Variants in RAB2A observed in about 807,000 individuals in gnomAD.
RAB2A encodes RAB2A, member RAS oncogene family, also known as ras-related protein Rab-2A.
RAB2A carries 7 observed loss-of-function variants against 32.5 expected under a neutral mutation model. The ratio of observed to expected loss-of-function variants is 0.22; its 90% CI spans 0.12 to 0.40. RAB2A has a LOEUF of 0.40. Among genes scored for constraint, RAB2A ranks in the 10% least tolerant of loss-of-function variants. The pLI, the probability that RAB2A is intolerant of heterozygous loss-of-function variation, is 1.00. For missense variants in RAB2A, 108 were observed against 260.7 expected (o/e 0.41, Z 4.03); for synonymous variants, 79 against 85.2 (o/e 0.93, Z 0.40).
chr8:60,608,386 G>C (rs1804272051), intron 6 of RAB2A, among the ~76,000 whole-genome samples: 1 of 151,782 alleles, frequency 6.6e-6, no homozygotes, highest in Admixed American at 6.6e-5. Flanking sequence ...CTACTCTTCA[G>C]TAAACTTCTT....
chr8:60,605,109 C>T (rs145608636), intron 6 of RAB2A, among the ~76,000 whole-genome samples: 1 of 152,260 alleles, frequency 6.6e-6, no homozygotes, highest in East Asian at 1.9e-4. Flanking sequence ...CTACTCCCTG[C>T]ATCCCAGCCA....
intron 7 of RAB2A, 78 bp downstream of exon 7, chr8:60,618,726 T>C (rs1192986296): frequency 4.0e-6 from 2 of 495,890 alleles, no homozygotes; most frequent in African/African-American, 4.1e-5. Context: ...TTTTATTTTA[T>C]AATTCATTAT....
chr8:60,524,958 G>T (rs1236848620), intron 1 of RAB2A, among the ~76,000 whole-genome samples: 1 of 152,172 alleles, frequency 6.6e-6, no homozygotes, highest in Non-Finnish European at 1.5e-5. Flanking sequence ...CTGTATAGCA[G>T]ATTCTCATGA....
intron 1 of RAB2A, among the ~76,000 whole-genome samples, chr8:60,537,303 C>A (rs1434608085): frequency 6.6e-6 from 1 of 151,848 alleles, no homozygotes; most frequent in African/African-American, 2.4e-5. Context: ...CTCACTGCAA[C>A]CTCTGCCTCC....
At chr8:60,579,964 G>A (rs1278897928) in intron 3 of RAB2A, among the ~76,000 whole-genome samples, 1 of 146,294 alleles carries the variant, frequency 6.8e-6, no homozygotes, top group East Asian at 2.1e-4. Flanking sequence ...AACAATATAG[G>A]TCAATCCGAG....
Position 60,621,974 on chromosome 8 carries a change from T to G in RAB2A, c.*1205T>G, listed in dbSNP as rs1319363140. On this transcript the variant is annotated 3_prime_UTR_variant, in exon 8 of 8. Coordinates refer to ENST00000262646, the MANE Select transcript of RAB2A (RefSeq NM_002865.3). ...GTCTATAATGAAATTGTTACAGCAG[T>G]GCAAAATAAAATCCTATGTATAAAA... The G allele has an allele frequency of 6.6e-6, 1 of 152,210 alleles. No homozygotes were observed. Among genetic ancestry groups the G allele is most frequent in the Admixed American group, 6.5e-5 (1 of 15,286 alleles). 9.4% of individuals were successfully genotyped at this position (152,210 alleles called of 1,614,324 possible).
chr8:60,521,730 C>T (rs973818652), intron 1 of RAB2A, among the ~76,000 whole-genome samples: 4 of 152,150 alleles, frequency 2.6e-5, no homozygotes, highest in African/African-American at 9.7e-5. Context: ...AAGCGATTCT[C>T]CTGCCTCAGC....
chr8:60,623,417 A>G lies in RAB2A; in HGVS notation c.*2648A>G, dbSNP rs1804561112. 6.6e-6 allele frequency: 1 copy of G among 152,196 alleles called. No individual in the cohort carries two copies. Among genetic ancestry groups the G allele is most frequent in the Non-Finnish European group, 1.5e-5 (1 of 68,038 alleles). The allele number at this position is 152,196 out of a possible 1,614,324, so 9.4% of individuals were successfully genotyped here. On this transcript the variant is annotated 3_prime_UTR_variant, in exon 8 of 8. Coordinates refer to ENST00000262646, the MANE Select transcript of RAB2A (RefSeq NM_002865.3). ...ACCTTAAACATTTATTCTGTCATAG[A>G]TAGTAAAGCCCCATCTCAGTTTATT...
intron 2 of RAB2A, among the ~76,000 whole-genome samples, chr8:60,566,486 T>G (rs1309915807): frequency 6.6e-6 from 1 of 152,244 alleles, no homozygotes; most frequent in African/African-American, 2.4e-5. Flanking sequence ...GTTTTTTAAC[T>G]CAAATCTACT....
At chr8:60,523,506 G>A (rs1807332995) in intron 1 of RAB2A, among the ~76,000 whole-genome samples, 1 of 151,954 alleles carries the variant, frequency 6.6e-6, no homozygotes, top group Non-Finnish European at 1.5e-5. Context: ...GTTTTCCACT[G>A]GCCTGAATTT....
intron 1 of RAB2A, among the ~76,000 whole-genome samples, chr8:60,557,729 CTT>C (rs71252884): frequency 6.9e-6 from 1 of 144,780 alleles, no homozygotes; most frequent in African/African-American, 2.5e-5. Context: ...CCACACCCAT[CTT>C]TTTTTTTTTG....
At chr8:60,565,546 A>G (rs1048187821) in intron 2 of RAB2A, among the ~76,000 whole-genome samples, 1 of 152,030 alleles carries the variant, frequency 6.6e-6, no homozygotes, top group African/African-American at 2.4e-5. Context: ...TTTAAAATAT[A>G]CCTCATTTAT....
At chr8:60,555,978 A>G (rs899611127) in intron 1 of RAB2A, among the ~76,000 whole-genome samples, 8 of 152,330 alleles carry the variant, frequency 5.3e-5, no homozygotes, top group South Asian at 2.1e-4. Flanking sequence ...CAGTAGATGA[A>G]TGGATAATGA....
intron 1 of RAB2A, among the ~76,000 whole-genome samples, chr8:60,540,109 A>G (rs971429122): frequency 1.3e-5 from 2 of 151,084 alleles, no homozygotes; most frequent in Non-Finnish European, 2.9e-5. Context: ...AACCAAATAC[A>G]GTATATATTC....
rs564058199 is a variant in RAB2A, at chr8:60,526,755, G to A, written c.46+9502G>A. On this transcript the variant is annotated intron_variant, in intron 1 of 7. Coordinates refer to ENST00000262646, the MANE Select transcript of RAB2A (RefSeq NM_002865.3). ...AGGCTGAGGCGGGTGGATTGCTTGC[G>A]CTGAGGAGTTCGAGACCAGCCTGGG... Among the ~76,000 whole-genome samples, 26 of 152,178 alleles carry A rather than the reference G, an allele frequency of 1.7e-4. No individual in the cohort carries two copies. In the South Asian group the frequency reaches 3.3e-3, roughly 19 times the overall value.
chr8:60,569,547 G>A (rs937677359), intron 2 of RAB2A, among the ~76,000 whole-genome samples: 5 of 152,094 alleles, frequency 3.3e-5, no homozygotes, highest in African/African-American at 1.2e-4. Context: ...GTCTCACTCT[G>A]TCACCCAGGC....
At chr8:60,532,321 C>A (rs796196001) in intron 1 of RAB2A, among the ~76,000 whole-genome samples, 2 of 152,218 alleles carry the variant, frequency 1.3e-5, no homozygotes, top group Admixed American at 6.5e-5. Flanking sequence ...GTATATGTGT[C>A]CCAAATTATT....
chr8:60,539,964 T>G (rs903411918), intron 1 of RAB2A, among the ~76,000 whole-genome samples: 3 of 151,798 alleles, frequency 2.0e-5, no homozygotes, highest in Non-Finnish European at 4.4e-5. Context: ...GAAAGATAAA[T>G]CCATTAAACA....
At chr8:60,611,186 G>A (rs1345481835) in intron 6 of RAB2A, among the ~76,000 whole-genome samples, 1 of 152,116 alleles carries the variant, frequency 6.6e-6, no homozygotes, top group African/African-American at 2.4e-5. Flanking sequence ...TCTCCCTGTG[G>A]CCAGTATCGC....
Sources: gnomAD v4.1 joint callset for allele counts (sites outside exome capture counted in the v4.1 genomes callset) on GRCh38, gnomAD v4.1.1 for gene constraint, MANE v1.5 for transcripts, NCBI Gene and HGNC (gene_info 2026-07-23, HGNC 2026-07-21) for gene names.